CMIP: variants seen among roughly 807,000 people sequenced by gnomAD.
The protein encoded by CMIP is C-Maf-inducing protein.
A neutral mutation model predicts 97.3 loss-of-function variants in CMIP; 13 were observed. That is an observed-to-expected ratio of 0.13 (90% CI 0.09 to 0.21). CMIP has a LOEUF of 0.21. Ranked by LOEUF, CMIP falls within the 10% of genes least tolerant of loss-of-function variation. CMIP has a pLI of 1.00. For missense variants in CMIP, 847 were observed against 1,024.9 expected, an observed-to-expected ratio of 0.83 and a Z score of 2.37; for synonymous variants, 538 against 436.3, an observed-to-expected ratio of 1.23 and a Z score of -2.91.
intron 10 of CMIP, among the ~76,000 whole-genome samples, chr16:81,690,530 G>A (rs1905937664): frequency 6.6e-6 from 1 of 152,174 alleles, no homozygotes; most frequent in Admixed American, 6.5e-5. Context: ...TTGAGTCTGA[G>A]TCTCGCTCTG....
At chr16:81,461,013 G>A (rs1906866209) in intron 1 of CMIP, among the ~76,000 whole-genome samples, 1 of 152,226 alleles carries the variant, frequency 6.6e-6, no homozygotes, top group South Asian at 2.1e-4. Context: ...GCTCAGGATG[G>A]GCAAGAGGTC....
chr16:81,516,696 G>T (rs978773603), intron 1 of CMIP, among the ~76,000 whole-genome samples: 1 of 152,206 alleles, frequency 6.6e-6, no homozygotes, highest in Non-Finnish European at 1.5e-5. Context: ...CCAAACTGTG[G>T]GCTCCCTGGG....
At position 81,627,117 on chromosome 16, in the gene CMIP, G is replaced by GGT. The variant is rs1408019593; in HGVS notation, c.477+6201_477+6202dup. On this transcript the variant is annotated intron_variant, in intron 3 of 20. Coordinates refer to ENST00000537098, the MANE Select transcript of CMIP (RefSeq NM_198390.3). The surrounding 1 kb of genome is among the most constrained non-coding windows in gnomAD (Gnocchi z 4.6). The stretch of plus-strand genomic sequence containing the variant: ...GGGGTGACTGTGAGAGTGTGTGTGT[G>GGT]GTGTGTGTGTGGCATATGGGCCAAC... 7.1e-6 allele frequency among the ~76,000 whole-genome samples: 1 copy of GGT among 141,376 alleles called. No individual in the cohort carries two copies. The highest frequency in any genetic ancestry group is 2.7e-5 in the African/African-American group (1 of 37,556). The allele number at this position is 141,376 out of a possible 152,430, so 92.7% of individuals were successfully genotyped here.
intron 9 of CMIP, among the ~76,000 whole-genome samples, chr16:81,675,683 G>A (rs937146934): frequency 1.3e-5 from 2 of 152,216 alleles, no homozygotes; most frequent in African/African-American, 2.4e-5. Flanking sequence ...GGAGGTCCCT[G>A]CAGGGGAAGA....
chr16:81,668,850 T>TCACTGCCTTCCACACCCACGTCA (rs2092640992), intron 7 of CMIP, among the ~76,000 whole-genome samples: 1 of 120,816 alleles, frequency 8.3e-6, no homozygotes, highest in Non-Finnish European at 1.7e-5. Context: ...CACCTCACAC[T>TCACTGCCTTCCACACCCACGTCA]CACTGCCTTC....
intron 1 of CMIP, among the ~76,000 whole-genome samples, chr16:81,578,416 C>T (rs2091239000): frequency 1.3e-5 from 2 of 152,216 alleles, no homozygotes; most frequent in African/African-American, 4.8e-5. Flanking sequence ...CAGCCCTGAG[C>T]TATGTGAGTG....
At chr16:81,514,653 A>T (rs951043957) in intron 1 of CMIP, among the ~76,000 whole-genome samples, 2 of 152,164 alleles carry the variant, frequency 1.3e-5, no homozygotes, top group African/African-American at 4.8e-5. Flanking sequence ...GGAGCCTGAG[A>T]GCCCAGGAGA....
chr16:81,627,816 C>T lies in CMIP; in HGVS notation c.477+6890C>T, dbSNP rs567433588. Among the ~76,000 whole-genome samples, 13 of 152,242 alleles carry T rather than the reference C, an allele frequency of 8.5e-5. No individual in the cohort carries two copies. The East Asian group carries it at 2.5e-3, about 29-fold the overall frequency. ...CACCTCATGAGTGGCTGCGGCGCCT[C>T]GGGAATGAGTCTGTTCCATGTTCTG... On this transcript the variant is annotated intron_variant, in intron 3 of 20. Coordinates refer to ENST00000537098, the MANE Select transcript of CMIP (RefSeq NM_198390.3). The surrounding 1 kb of genome is among the most constrained non-coding windows in gnomAD (Gnocchi z 4.6).
At position 81,705,613 on chromosome 16, in the gene CMIP, C is replaced by T. The variant is rs576315327; in HGVS notation, c.2197+9C>T. ...CCTGCTGGCCCTGAGCTGTGAGTGCCTCCGGGGCAGCTGGGGGGTGAGGGG... is the reference window on the plus strand; with the variant it reads ...CCTGCTGGCCCTGAGCTGTGAGTGCTTCCGGGGCAGCTGGGGGGTGAGGGG... On this transcript the variant is annotated intron_variant, in intron 19 of 20. Transcript: ENST00000537098. 6.4e-7 allele frequency: 1 copy of T among 1,573,940 alleles called. No individual in the cohort carries two copies. Among genetic ancestry groups the T allele is most frequent in the South Asian group, 1.1e-5 (1 of 87,062 alleles).
intron 1 of CMIP, among the ~76,000 whole-genome samples, chr16:81,510,427 G>T (rs1474959473): frequency 2.0e-5 from 3 of 152,188 alleles, no homozygotes; most frequent in African/African-American, 4.8e-5. Context: ...CTAAGCACTT[G>T]GTTTGGATTA....
intron 1 of CMIP, among the ~76,000 whole-genome samples, chr16:81,450,291 C>G (rs896949871): frequency 1.3e-5 from 2 of 152,284 alleles, no homozygotes; most frequent in Non-Finnish European, 2.9e-5. Context: ...GTGAGGCAGC[C>G]TGATATGGGG....
chr16:81,593,837 T>G (rs1025346631), intron 1 of CMIP, among the ~76,000 whole-genome samples: 2 of 152,178 alleles, frequency 1.3e-5, no homozygotes, highest in African/African-American at 4.8e-5. Flanking sequence ...CTGTATCAGA[T>G]GCTCACCTGT....
At chr16:81,526,584 A>G (rs770769022) in intron 1 of CMIP, among the ~76,000 whole-genome samples, 3 of 152,210 alleles carry the variant, frequency 2.0e-5, no homozygotes, top group Non-Finnish European at 4.4e-5. Flanking sequence ...GGATATTTTG[A>G]TAGCTGTTTT....
intron 1 of CMIP, among the ~76,000 whole-genome samples, chr16:81,569,568 A>G (rs867137761): frequency 1.3e-5 from 2 of 152,232 alleles, no homozygotes; most frequent in Non-Finnish European, 2.9e-5. Flanking sequence ...CAAGGAGGCA[A>G]GCGGGCCAGA....
chr16:81,678,222 T>A, intron 9 of CMIP, 53 bp from the exon 10 acceptor site: 1 of 1,365,688 alleles, frequency 7.3e-7, no homozygotes, highest in Non-Finnish European at 9.9e-7. Flanking sequence ...TGGGTCATGG[T>A]GCATCATGAA....
chr16:81,696,811 GTGGTGGTGGTGA>G (rs1208102978), intron 14 of CMIP, 144 bp downstream of exon 14: 5 of 681,118 alleles, frequency 7.3e-6, no homozygotes. Context: ...GGTGGTGGTG[GTGGTGGTGGTGA>G]TGGTGACCGT....
At chr16:81,537,546 C>CAAAAAAA (rs397695977) in intron 1 of CMIP, among the ~76,000 whole-genome samples, 2 of 82,086 alleles carry the variant, frequency 2.4e-5, no homozygotes, top group Admixed American at 1.6e-4. Context: ...AAAAAAAAGA[C>CAAAAAAA]AAAAAAAAAA....
At chr16:81,594,409 C>T (rs1181079084) in intron 1 of CMIP, among the ~76,000 whole-genome samples, 4 of 151,670 alleles carry the variant, frequency 2.6e-5, no homozygotes, top group East Asian at 2.0e-4. Context: ...TGTGAGCCAC[C>T]GCGCCTGGCC....
chr16:81,620,847 A>G, intron 2 of CMIP, 29 bp from the exon 3 acceptor site: 1 of 1,613,622 alleles, frequency 6.2e-7, no homozygotes, highest in Middle Eastern at 1.7e-4. Flanking sequence ...TGATGACCGG[A>G]CCTTGCTGTC....
Sources: gnomAD v4.1 joint callset for allele counts (sites outside exome capture counted in the v4.1 genomes callset) on GRCh38, gnomAD v4.1.1 for gene constraint, Gnocchi (gnomAD v3.1) non-coding constraint, MANE v1.5 for transcripts, NCBI Gene and HGNC (gene_info 2026-07-23, HGNC 2026-07-21) for gene names.